Variants in PDE2A observed in about 807,000 individuals in gnomAD.
PDE2A encodes cGMP-dependent 3',5'-cyclic phosphodiesterase.
Under a neutral mutation model 133.6 loss-of-function variants are expected in PDE2A, and 53 were observed. The ratio of observed to expected loss-of-function variants is 0.40; its 90% CI spans 0.32 to 0.50. PDE2A has a LOEUF of 0.50. Ranked by LOEUF, PDE2A falls within the 20% of genes least tolerant of loss-of-function variation. The probability of loss-of-function intolerance (pLI) is 0.73; values close to 1 mark genes in which losing one functional copy is unlikely to be tolerated. For synonymous variants in PDE2A, 491 were observed against 490.2 expected, an observed-to-expected ratio of 1.00 and a Z score of -0.02; for missense variants, 796 against 1,232.4, an observed-to-expected ratio of 0.65 and a Z score of 5.30.
chr11:72,638,035 A>G (rs1402078904), intron 2 of PDE2A, among the ~76,000 whole-genome samples: 2 of 151,970 alleles, frequency 1.3e-5, no homozygotes, highest in East Asian at 3.9e-4. Flanking sequence ...GCTGGGAAAC[A>G]TTTCCTGTCT....
At chr11:72,672,285 C>T (rs1034624037) in intron 1 of PDE2A, among the ~76,000 whole-genome samples, 4 of 152,146 alleles carry the variant, frequency 2.6e-5, no homozygotes, top group Non-Finnish European at 5.9e-5. Flanking sequence ...AAGCGATTCT[C>T]ATATTCTCAT....
chr11:72,637,448 C>A (rs1003865321), intron 2 of PDE2A, among the ~76,000 whole-genome samples: 1 of 152,240 alleles, frequency 6.6e-6, no homozygotes, highest in Admixed American at 6.5e-5. Context: ...CACTAATGTC[C>A]ACCTAGGAAG....
At chr11:72,638,079 C>T (rs1858781816) in intron 2 of PDE2A, among the ~76,000 whole-genome samples, 1 of 152,086 alleles carries the variant, frequency 6.6e-6, no homozygotes, top group African/African-American at 2.4e-5. Flanking sequence ...ATCGTTTACC[C>T]GCCGCAGGCA....
chr11:72,595,525 C>A (rs181351500), intron 6 of PDE2A, among the ~76,000 whole-genome samples: 2 of 152,162 alleles, frequency 1.3e-5, no homozygotes, highest in South Asian at 2.1e-4. Flanking sequence ...TCCCCTCCCC[C>A]CTCTCCTCCC....
At chr11:72,583,736 G>A (rs950872124) in intron 19 of PDE2A, among the ~76,000 whole-genome samples, 2 of 152,062 alleles carry the variant, frequency 1.3e-5, no homozygotes, top group African/African-American at 2.4e-5. Flanking sequence ...CATTTGGTCT[G>A]GCCCTTTGCA....
chr11:72,579,517 A>G lies in PDE2A; in HGVS notation c.2256+17T>C, dbSNP rs1361324672. ...CCAGCTCCCCCTCAATCCCCACCCCACCCCCAACCCCATCACCTTCCGGGA... is the reference window on the plus strand; with the variant it reads ...CCAGCTCCCCCTCAATCCCCACCCCGCCCCCAACCCCATCACCTTCCGGGA... On this transcript the variant is annotated intron_variant, in intron 26 of 30. Transcript: ENST00000334456. 4 of 893,308 alleles carry G rather than the reference A, an allele frequency of 4.5e-6. No individual in the cohort carries two copies. In the Admixed American group the frequency reaches 1.0e-4, roughly 22 times the overall value. 55.3% of individuals were successfully genotyped at this position (893,308 alleles called of 1,614,324 possible).
intron 2 of PDE2A, among the ~76,000 whole-genome samples, chr11:72,618,725 G>C (rs1857597375): frequency 6.6e-6 from 1 of 152,156 alleles, no homozygotes; most frequent in African/African-American, 2.4e-5. Flanking sequence ...TCAGATGAGA[G>C]AGCCAAGCCC....
intron 2 of PDE2A, among the ~76,000 whole-genome samples, chr11:72,614,529 A>C (rs1043625946): frequency 1.3e-5 from 2 of 152,116 alleles, no homozygotes; most frequent in African/African-American, 4.8e-5. Flanking sequence ...AACCACCCAG[A>C]GTGCTTGTTA....
chr11:72,583,654 G>C (rs1353937238), intron 19 of PDE2A, 139 bp from the exon 20 acceptor site: 2 of 669,032 alleles, frequency 3.0e-6, no homozygotes, highest in Admixed American at 4.7e-5. Context: ...TCAAGCTCCA[G>C]TCCACAGTAA....
At chr11:72,579,158 G>T (rs913835221) in intron 27 of PDE2A, 126 bp downstream of exon 27, 94 of 933,940 alleles carry the variant, frequency 1.0e-4, no homozygotes, top group Middle Eastern at 2.1e-4. Flanking sequence ...GCCTGGGGGG[G>T]GCCGTGCAGC....
chr11:72,673,398 TACACAC>T, intron 1 of PDE2A, among the ~76,000 whole-genome samples: 1 of 148,460 alleles, frequency 6.7e-6, no homozygotes, highest in South Asian at 2.2e-4. Context: ...TCCACATGTA[TACACAC>T]ACACACACAC....
Position 72,597,202 on chromosome 11 carries a change from C to T in PDE2A, c.433+308G>A, listed in dbSNP as rs1299859864. On this transcript the variant is annotated intron_variant, in intron 5 of 30. Transcript: ENST00000334456. The surrounding 1 kb of genome is among the most constrained non-coding windows in gnomAD (Gnocchi z 4.6). ...AGCATCAGGCACAGGCACATCACAA[C>T]CACAGCCACGGGCCACTGAGCCCTC... Among the ~76,000 whole-genome samples the T allele has an allele frequency of 6.6e-6, 1 of 152,226 alleles. No homozygotes were observed. Among genetic ancestry groups the T allele is most frequent in the Non-Finnish European group, 1.5e-5 (1 of 68,036 alleles).
chr11:72,587,065 T>C (rs1344461773), intron 13 of PDE2A, among the ~76,000 whole-genome samples: 1 of 152,188 alleles, frequency 6.6e-6, no homozygotes. Flanking sequence ...TGAGAAAACC[T>C]TGGGCTCTTT....
intron 1 of PDE2A, among the ~76,000 whole-genome samples, chr11:72,671,930 T>C (rs1212955148): frequency 2.0e-5 from 3 of 152,042 alleles, no homozygotes; most frequent in Non-Finnish European, 4.4e-5. Context: ...GCCTTTTCCC[T>C]CATGAGATCC....
At chr11:72,644,970 T>A (rs1859092287) in intron 1 of PDE2A, among the ~76,000 whole-genome samples, 1 of 152,176 alleles carries the variant, frequency 6.6e-6, no homozygotes, top group Non-Finnish European at 1.5e-5. Context: ...TTGGCCAGGA[T>A]GGTCTCGATC....
Position 72,578,637 on chromosome 11 carries a change from C to T in PDE2A, c.2470-123G>A. On this transcript the variant is annotated intron_variant, in intron 28 of 30. Coordinates refer to ENST00000334456, the MANE Select transcript of PDE2A (RefSeq NM_002599.5). This position sits in a 1 kb window ranked among gnomAD's most constrained non-coding sequence, Gnocchi z 4.2. ...GATTCAGTCCCAGCTCAGGAGCCGT[C>T]CCCACCAGCCCCAGCTTGGCAGTGG... is the stretch of plus-strand genomic sequence containing the variant. 5.9e-6 allele frequency: 5 copies of T among 852,788 alleles called. No individual in the cohort carries two copies. The South Asian group carries it at 7.7e-5, about 13-fold the overall frequency. 52.8% of individuals were successfully genotyped at this position (852,788 alleles called of 1,614,324 possible). A position where few individuals can be genotyped will look rare whatever the true frequency, so the allele number is the denominator to read the frequency against.
intron 2 of PDE2A, among the ~76,000 whole-genome samples, chr11:72,635,340 T>G (rs923244576): frequency 1.3e-5 from 2 of 152,232 alleles, no homozygotes; most frequent in Admixed American, 1.3e-4. Flanking sequence ...CCATTGCTTC[T>G]TGTTATGTTT....
rs1369663319 is a variant in PDE2A, at chr11:72,586,992, CACCT to C, written c.1071-815_1071-812del. Among the ~76,000 whole-genome samples, 7 of 152,342 alleles carry C rather than the reference CACCT, an allele frequency of 4.6e-5. No individual in the cohort carries two copies. In the South Asian group the frequency reaches 1.2e-3, roughly 27 times the overall value. ...TTGTGGTCCCTCAGCTAGCCCCACC[CACCT>C]GTCACCCCTCAACCCAGAACATCTC... is the stretch of plus-strand genomic sequence containing the variant. On this transcript the variant is annotated intron_variant, in intron 13 of 30. Coordinates refer to ENST00000334456, the MANE Select transcript of PDE2A (RefSeq NM_002599.5).
At chr11:72,650,401 C>G (rs936261590) in intron 1 of PDE2A, among the ~76,000 whole-genome samples, 1 of 152,078 alleles carries the variant, frequency 6.6e-6, no homozygotes, top group South Asian at 2.1e-4. Context: ...TGAGTCTCCA[C>G]CCTCTCAAAA....
Sources: gnomAD v4.1 joint callset for allele counts (sites outside exome capture counted in the v4.1 genomes callset) on GRCh38, gnomAD v4.1.1 for gene constraint, Gnocchi (gnomAD v3.1) non-coding constraint, MANE v1.5 for transcripts, NCBI Gene and HGNC (gene_info 2026-07-23, HGNC 2026-07-21) for gene names.